The following DNAH9 variants were observed in gnomAD, a reference collection of about 807,000 sequenced individuals.
DNAH9 encodes the protein dynein axonemal heavy chain 9.
A neutral mutation model predicts 471.6 loss-of-function variants in DNAH9; 345 were observed. The observed-to-expected ratio is 0.73, with a 90% CI of 0.67 to 0.80. DNAH9 has a LOEUF of 0.80. Among genes scored for constraint, DNAH9 ranks in the 30% least tolerant of loss-of-function variants. The probability of loss-of-function intolerance (pLI) is 0.00; values close to 1 mark genes in which losing one functional copy is unlikely to be tolerated. For synonymous variants in DNAH9, 2,093 were observed against 2,123.6 expected (o/e 0.99, Z 0.40); for missense variants, 5,407 against 5,609.2 (o/e 0.96, Z 1.15).
intron 1 of DNAH9, among the ~76,000 whole-genome samples, chr17:11,603,018 A>G (rs533998758): frequency 9.9e-4 from 151 of 152,230 alleles, no homozygotes; most frequent in Admixed American, 1.8e-3. Flanking sequence ...CATGATCATC[A>G]TACCCTTGCA....
intron 67 of DNAH9, among the ~76,000 whole-genome samples, chr17:11,950,626 A>AC (rs1491138064): frequency 9.2e-5 from 14 of 152,140 alleles, no homozygotes; most frequent in Admixed American, 8.5e-4. Context: ...GCCTTGACCC[A>AC]AAGTGTTGGA....
At chr17:11,926,158 A>G (rs760112189) in intron 62 of DNAH9, among the ~76,000 whole-genome samples, 5 of 151,960 alleles carry the variant, frequency 3.3e-5, no homozygotes, top group Non-Finnish European at 7.4e-5. Flanking sequence ...AATGATATCA[A>G]TAGGCTAATG....
chr17:11,608,292 A>C lies in DNAH9; in HGVS notation c.581A>C (p.Lys194Thr). 1 of 1,612,484 alleles carries C rather than the reference A, an allele frequency of 6.2e-7. No homozygotes were observed. The highest frequency in any genetic ancestry group is 8.5e-7 in the Non-Finnish European group (1 of 1,179,444). Residue 194 changes from lysine to threonine, a missense_variant, in exon 2 of 69, where the codon AAA (lysine) becomes ACA (threonine). This residue lies in a region of DNAH9 where 767 missense variants were observed against 692.5 expected (regional missense o/e 1.11). Transcript: ENST00000262442. ...TLLPLPAGSE[K>T]MEFADSKSET... ...CTGCCTCTTCCAGCAGGCTCAGAAA[A>C]AATGGAGTTTGCGGATTCCAAAAGT...
chr17:11,751,126 AC>A (rs1355319393), intron 32 of DNAH9, among the ~76,000 whole-genome samples: 1 of 152,092 alleles, frequency 6.6e-6, no homozygotes, highest in African/African-American at 2.4e-5. Context: ...AAATAAATCA[AC>A]CCCTAGCAAA....
Position 11,962,310 on chromosome 17 carries a change from A to T in DNAH9, c.13233+54A>T, listed in dbSNP as rs1976275808. The T allele has an allele frequency of 1.3e-6, 2 of 1,517,016 alleles. No homozygotes were observed. The highest frequency in any genetic ancestry group is 1.8e-6 in the Non-Finnish European group (2 of 1,138,614). 94.0% of individuals were successfully genotyped at this position (1,517,016 alleles called of 1,614,324 possible). A position where few individuals can be genotyped will look rare whatever the true frequency, so the allele number is the denominator to read the frequency against. On this transcript the variant is annotated intron_variant, in intron 68 of 68. Coordinates refer to ENST00000262442, the MANE Select transcript of DNAH9 (RefSeq NM_001372.4). The surrounding 1 kb of genome is among the most constrained non-coding windows in gnomAD (Gnocchi z 4.1). ...CTTTCTGGGGGCTGATTAAATACAC[A>T]TTGCTTCCTATGAAGTGTGACTACT... is the stretch of plus-strand genomic sequence containing the variant.
At chr17:11,765,797 T>C (rs1236343587) in intron 36 of DNAH9, among the ~76,000 whole-genome samples, 1 of 152,198 alleles carries the variant, frequency 6.6e-6, no homozygotes. Context: ...CTGGCTGAAC[T>C]GCACAGAGAT....
intron 53 of DNAH9, among the ~76,000 whole-genome samples, chr17:11,877,863 T>A (rs1296504987): frequency 6.6e-6 from 1 of 151,994 alleles, no homozygotes; most frequent in East Asian, 1.9e-4. Flanking sequence ...GCCTTCCGAG[T>A]AGCTGGGATC....
At chr17:11,760,709 G>A (rs770238195) in intron 35 of DNAH9, among the ~76,000 whole-genome samples, 6 of 152,042 alleles carry the variant, frequency 3.9e-5, no homozygotes, top group Non-Finnish European at 7.4e-5. Context: ...TGGTAGAAAC[G>A]GAGTTTCACC....
chr17:11,633,605 T>C (rs1401879363), intron 8 of DNAH9, among the ~76,000 whole-genome samples: 3 of 152,228 alleles, frequency 2.0e-5, no homozygotes, highest in East Asian at 1.9e-4. Context: ...GTAATTCACA[T>C]TGGAAGCCTT....
At chr17:11,675,136 C>T (rs554654962) in intron 17 of DNAH9, among the ~76,000 whole-genome samples, 6 of 152,122 alleles carry the variant, frequency 3.9e-5, no homozygotes, top group African/African-American at 7.2e-5. Flanking sequence ...TTATGTCTTT[C>T]GGTGAAATTT....
At position 11,642,419 on chromosome 17, in the gene DNAH9, G is replaced by A. The variant is rs370411194; in HGVS notation, c.1901+2035G>A. Among the ~76,000 whole-genome samples the A allele has an allele frequency of 6.6e-5, 10 of 152,070 alleles. No homozygotes were observed. In the East Asian group the frequency reaches 2.0e-3, roughly 30 times the overall value. On this transcript the variant is annotated intron_variant, in intron 10 of 68. Coordinates refer to ENST00000262442, the MANE Select transcript of DNAH9 (RefSeq NM_001372.4). ...CCAGGTGTGGTGGGGGCAGGGGGCG[G>A]GGGGCGCCTGTAATCCCAGCTACTC...
intron 29 of DNAH9, among the ~76,000 whole-genome samples, chr17:11,739,689 G>A (rs73292675): frequency 0.017 from 2,589 of 152,184 alleles, 72 homozygotes; most frequent in African/African-American, 0.059. Context: ...CCTTGCTACC[G>A]GTGGACATTG....
chr17:11,812,026 A>AATATATATATATGTAT (rs1969938672), intron 45 of DNAH9, among the ~76,000 whole-genome samples: 1 of 36,726 alleles, frequency 2.7e-5, no homozygotes, highest in Non-Finnish European at 5.2e-5. Context: ...AAAAAAAAAA[A>AATATATATATATGTAT]ATATATATAT....
intron 67 of DNAH9, among the ~76,000 whole-genome samples, chr17:11,944,724 A>C (rs1975053495): frequency 6.6e-6 from 1 of 152,112 alleles, no homozygotes. Context: ...GACTCTCCAG[A>C]AGTTTTATCA....
chr17:11,690,688 AAAAAAAAAATGTATATATAAGAAAGATT>A (rs922487130), intron 20 of DNAH9, among the ~76,000 whole-genome samples: 7 of 94,966 alleles, frequency 7.4e-5, no homozygotes, highest in African/African-American at 3.8e-4. Flanking sequence ...CTCATTCAGA[AAAAAAAAAATGTATATATAAGAAAGATT>A]AAAAAAAAAT....
At chr17:11,901,743 A>C (rs973596743) in intron 59 of DNAH9, among the ~76,000 whole-genome samples, 2 of 152,190 alleles carry the variant, frequency 1.3e-5, no homozygotes, top group Admixed American at 6.5e-5. Flanking sequence ...ATAGTTGATG[A>C]GCTAAAATAT....
intron 17 of DNAH9, 36 bp from the exon 18 acceptor site, chr17:11,679,721 G>T: frequency 6.9e-7 from 1 of 1,440,848 alleles, no homozygotes; most frequent in South Asian, 1.1e-5. Context: ...GAAGTAGAAC[G>T]AGAATGGTTC....
chr17:11,961,888 C>T lies in DNAH9; in HGVS notation c.12865C>T (p.His4289Tyr), dbSNP rs1466440072. The T allele has an allele frequency of 6.2e-7, 1 of 1,610,772 alleles. No homozygotes were observed. The highest frequency in any genetic ancestry group is 8.5e-7 in the Non-Finnish European group (1 of 1,178,040). ...TCAGGGGGAGCTGACTATGACCAGC[C>T]ACATGGAGAACTTACAGAATGCCCT... Reference protein sequence around the residue: ...GLKGELTMTSHMENLQNALYF... With the variant: ...GLKGELTMTSYMENLQNALYF... Residue 4289 changes from histidine (H) to tyrosine (Y), a missense_variant, in exon 68 of 69, where the codon CAC (histidine) becomes TAC (tyrosine). By Grantham distance (83) the His-to-Tyr change is moderately conservative. Around this residue, in one of 3 missense-constraint regions of DNAH9, gnomAD observed 4,636 missense variants for 4,900.3 expected, o/e 0.95. Coordinates refer to ENST00000262442, the MANE Select transcript of DNAH9 (RefSeq NM_001372.4).
chr17:11,651,747 G>T (rs147524174), intron 13 of DNAH9, among the ~76,000 whole-genome samples: 1 of 152,210 alleles, frequency 6.6e-6, no homozygotes, highest in South Asian at 2.1e-4. Flanking sequence ...ATTAATACGC[G>T]CAGGGTACTG....
Sources: gnomAD v4.1 joint callset for allele counts (sites outside exome capture counted in the v4.1 genomes callset) on GRCh38, gnomAD v4.1.1 for gene constraint, gnomAD v4.1.1 regional missense constraint, Gnocchi (gnomAD v3.1) non-coding constraint, MANE v1.5 for transcripts, NCBI Gene and HGNC (gene_info 2026-07-23, HGNC 2026-07-21) for gene names.